MTA3: variants seen among roughly 807,000 people sequenced by gnomAD.
MTA3 encodes the protein metastasis associated 1 family member 3.
In MTA3, 34 loss-of-function variants were observed where a neutral mutation model predicts 83.5. The observed-to-expected ratio is 0.41, with a 90% CI of 0.31 to 0.54. The LOEUF is 0.54. MTA3 is among the 20% of genes least tolerant of loss of function. The pLI, the probability that MTA3 is intolerant of heterozygous loss-of-function variation, is 0.33. For missense variants in MTA3, 761 were observed against 726.4 expected, an observed-to-expected ratio of 1.05 and a Z score of -0.55; for synonymous variants, 303 against 252.7, an observed-to-expected ratio of 1.20 and a Z score of -1.89.
chr2:42,620,421 A>G (rs955605678), intron 4 of MTA3, among the ~76,000 whole-genome samples: 1 of 152,086 alleles, frequency 6.6e-6, no homozygotes, highest in African/African-American at 2.4e-5. Flanking sequence ...TGCCCTGCCG[A>G]CATCACACAT....
chr2:42,507,950 A>G lies in MTA3; in HGVS notation c.-141+12696A>G, dbSNP rs1236108806. 2.6e-5 allele frequency among the ~76,000 whole-genome samples: 4 copies of G among 151,838 alleles called. No individual in the cohort carries two copies. The East Asian group carries it at 7.7e-4, about 29-fold the overall frequency. ...AACGGCGTGAGTCTGTCTCAAAAAA[A>G]AAAAAAAGAAAGAAAGAAACCTAGT... On this transcript the variant is annotated intron_variant, in intron 2 of 17. Coordinates refer to the MTA3 transcript ENST00000405592.
Position 42,755,864 on chromosome 2 carries a change from T to C in MTA3, c.*2465T>C, listed in dbSNP as rs4953641. On this transcript the variant is annotated 3_prime_UTR_variant, in exon 17 of 17. Coordinates refer to ENST00000405094, the MANE Select transcript of MTA3 (RefSeq NM_001330442.2). ...GGGTGAGGACACAGGCTCTGCAGGCTATCTCCCCCTCTGGCTCAGTCATCG... is the reference window on the plus strand; with the variant it reads ...GGGTGAGGACACAGGCTCTGCAGGCCATCTCCCCCTCTGGCTCAGTCATCG... The C allele has an allele frequency of 0.58, 568,527 of 985,266 alleles. 167,527 individuals carry two copies. Among genetic ancestry groups the C allele is most frequent in the African/African-American group, 0.87 (49,994 of 57,294 alleles). 61.0% of individuals were successfully genotyped at this position (985,266 alleles called of 1,614,324 possible). A position where few individuals can be genotyped will look rare whatever the true frequency, so the allele number is the denominator to read the frequency against.
intron 8 of MTA3, among the ~76,000 whole-genome samples, chr2:42,678,257 G>T (rs529166749): frequency 6.6e-6 from 1 of 152,256 alleles, no homozygotes; most frequent in East Asian, 1.9e-4. Flanking sequence ...ATGGCCAGTG[G>T]CCTTTGTTAT....
At chr2:42,714,805 A>T (rs922587614) in intron 14 of MTA3, among the ~76,000 whole-genome samples, 1 of 152,168 alleles carries the variant, frequency 6.6e-6, no homozygotes, top group African/African-American at 2.4e-5. Context: ...GGAGCAGGCA[A>T]TCTAGATCCC....
In MTA3 at chr2:42,615,711, C is replaced by CTTTTTTTTTTTTTTTT. The variant is rs35331224; in HGVS notation, c.317+6139_317+6154dup. Among the ~76,000 whole-genome samples the CTTTTTTTTTTTTTTTT allele has an allele frequency of 2.7e-4, 16 of 59,794 alleles. 7 individuals are homozygous for CTTTTTTTTTTTTTTTT. The highest frequency in any genetic ancestry group is 4.1e-4 in the Non-Finnish European group (14 of 34,210). 39.2% of individuals were successfully genotyped at this position (59,794 alleles called of 152,430 possible). A position where few individuals can be genotyped will look rare whatever the true frequency, so the allele number is the denominator to read the frequency against. On this transcript the variant is annotated intron_variant, in intron 4 of 16. Transcript: ENST00000405094. ...ACCACAGATACTTGAATAATCTCTT[C>CTTTTTTTTTTTTTTTT]TTTTTTTTTTTTTTTTTTTTTTTTT... is the stretch of plus-strand genomic sequence containing the variant.
At position 42,579,116 on chromosome 2, in the gene MTA3, G is replaced by A; in HGVS notation, c.106G>A (p.Gly36Ser). The A allele has an allele frequency of 6.2e-7, 1 of 1,603,870 alleles. No homozygotes were observed. Among genetic ancestry groups the A allele is most frequent in the Non-Finnish European group, 8.5e-7 (1 of 1,175,302 alleles). Reference protein sequence around the residue: ...RIEELNKTASGNVEAKVVCFY... With the variant: ...RIEELNKTASSNVEAKVVCFY... ...TTTTCTTATCTCTTAGACTGCAAGT[G>A]GCAACGTGGAAGCAAAAGTAGTATG... The change falls in exon 3 of 17, where the codon GGC (glycine) becomes AGC (serine). Residue 36 changes from glycine to serine, a missense_variant. By Grantham distance (56) the Gly-to-Ser change is moderately conservative. Coordinates refer to ENST00000405094, the MANE Select transcript of MTA3 (RefSeq NM_001330442.2).
chr2:42,679,542 C>T lies in MTA3; in HGVS notation c.703-2859C>T, dbSNP rs371386816. On this transcript the variant is annotated intron_variant, in intron 8 of 16. Coordinates refer to ENST00000405094, the MANE Select transcript of MTA3 (RefSeq NM_001330442.2). ...GACTTCTGACTGGCACACACAGTTA[C>T]CTAAGGCACAGTGGTGGCAAAGAAG... 3.3e-5 allele frequency among the ~76,000 whole-genome samples: 5 copies of T among 152,304 alleles called. No individual in the cohort carries two copies. The East Asian group carries it at 9.6e-4, about 29-fold the overall frequency.
At chr2:42,598,914 G>T (rs996166898) in intron 3 of MTA3, among the ~76,000 whole-genome samples, 8 of 152,174 alleles carry the variant, frequency 5.3e-5, no homozygotes, top group African/African-American at 1.9e-4. Context: ...GGCTTTTCTA[G>T]AGTTGTGCTA....
intron 4 of MTA3, among the ~76,000 whole-genome samples, chr2:42,629,667 T>C (rs538579028): frequency 4.8e-4 from 73 of 152,254 alleles, no homozygotes; most frequent in Non-Finnish European, 9.0e-4. Flanking sequence ...CTTTGATTGC[T>C]CCAAGAGTTG....
intron 3 of MTA3, among the ~76,000 whole-genome samples, chr2:42,601,508 C>T (rs1236082398): frequency 2.0e-5 from 3 of 152,182 alleles, no homozygotes; most frequent in Admixed American, 6.6e-5. Flanking sequence ...GCAGGGTCTC[C>T]GTCAAGTGAC....
intron 6 of MTA3, among the ~76,000 whole-genome samples, chr2:42,648,071 C>T (rs1206997554): frequency 6.6e-6 from 1 of 152,208 alleles, no homozygotes; most frequent in Non-Finnish European, 1.5e-5. Flanking sequence ...GAACTCCTGA[C>T]CTCAGGTGAT....
chr2:42,585,481 T>C (rs1335154072), intron 3 of MTA3, among the ~76,000 whole-genome samples: 20 of 148,348 alleles, frequency 1.3e-4, no homozygotes, highest in African/African-American at 3.4e-4. Context: ...CTTTTCTTTT[T>C]TTTTTTTTTT....
At position 42,688,808 on chromosome 2, in the gene MTA3, T is replaced by TTTTA. The variant is rs576962129; in HGVS notation, c.891+6235_891+6238dup. ...TATTTCCCATCTGAATGCCTTTTAT[T>TTTTA]TTTATTTATTTATTTATTTTTGCCT... On this transcript the variant is annotated intron_variant, in intron 9 of 16. Transcript: ENST00000405094. 3.8e-3 allele frequency among the ~76,000 whole-genome samples: 573 copies of TTTTA among 152,146 alleles called. 3 individuals carry two copies. The highest frequency in any genetic ancestry group is 0.013 in the African/African-American group (548 of 41,516).
intron 2 of MTA3, among the ~76,000 whole-genome samples, chr2:42,546,784 G>A (rs970696688): frequency 6.6e-6 from 1 of 152,126 alleles, no homozygotes; most frequent in Non-Finnish European, 1.5e-5. Context: ...AATCTGTGGC[G>A]GTAACAGAAG....
chr2:42,627,279 T>G (rs1234110769), intron 4 of MTA3, among the ~76,000 whole-genome samples: 1 of 152,098 alleles, frequency 6.6e-6, no homozygotes, highest in Non-Finnish European at 1.5e-5. Flanking sequence ...GGTCTCCCTA[T>G]GTTGTCCAGG....
intron 4 of MTA3, among the ~76,000 whole-genome samples, chr2:42,638,129 A>AT (rs1163027110): frequency 2.0e-5 from 3 of 152,086 alleles, no homozygotes; most frequent in Non-Finnish European, 1.5e-5. Context: ...TAGAGAACTT[A>AT]TTTTTTTAAA....
At chr2:42,538,894 C>T (rs1223687027) in intron 2 of MTA3, among the ~76,000 whole-genome samples, 2 of 149,404 alleles carry the variant, frequency 1.3e-5, no homozygotes, top group Non-Finnish European at 3.0e-5. Flanking sequence ...CCTGCCTCAG[C>T]CTCCCGAGTA....
At chr2:42,498,968 G>A (rs1439848471) in intron 2 of MTA3, among the ~76,000 whole-genome samples, 1 of 152,128 alleles carries the variant, frequency 6.6e-6, no homozygotes, top group Non-Finnish European at 1.5e-5. Flanking sequence ...CAAAGGTAGA[G>A]CTGTAACTCA....
intron 11 of MTA3, among the ~76,000 whole-genome samples, chr2:42,700,760 T>C (rs1693798629): frequency 6.6e-6 from 1 of 152,324 alleles, no homozygotes; most frequent in Non-Finnish European, 1.5e-5. Flanking sequence ...CTTAGTATAG[T>C]GTCAGCTGAA....
Sources: gnomAD v4.1 joint callset for allele counts (sites outside exome capture counted in the v4.1 genomes callset) on GRCh38, gnomAD v4.1.1 for gene constraint, MANE v1.5 for transcripts, NCBI Gene and HGNC (gene_info 2026-07-23, HGNC 2026-07-21) for gene names.